KLB: variants seen among roughly 807,000 people sequenced by gnomAD.
The protein encoded by KLB is beta-klotho.
A neutral mutation model predicts 88.4 loss-of-function variants in KLB; 44 were observed. That is an observed-to-expected ratio of 0.50 (90% CI 0.39 to 0.64). KLB has a LOEUF of 0.64. Ranked by LOEUF, KLB falls within the 30% of genes least tolerant of loss-of-function variation. KLB has a pLI of 0.00. For missense variants in KLB, 1,137 were observed against 1,304.8 expected, an observed-to-expected ratio of 0.87 and a Z score of 1.98; for synonymous variants, 548 against 513.4, an observed-to-expected ratio of 1.07 and a Z score of -0.91.
chr4:39,439,938 G>A (rs562836261), intron 3 of KLB, among the ~76,000 whole-genome samples: 33 of 152,254 alleles, frequency 2.2e-4, no homozygotes, highest in Non-Finnish European at 2.2e-4. Context: ...AAAGTGCTGG[G>A]ATTACAGGCA....
chr4:39,441,209 GA>G (rs1252430216), intron 3 of KLB, among the ~76,000 whole-genome samples: 1 of 152,134 alleles, frequency 6.6e-6, no homozygotes, highest in Non-Finnish European at 1.5e-5. Context: ...ATTAAAGGGG[GA>G]AAGTTATAGA....
chr4:39,439,805 C>A (rs1187135696), intron 3 of KLB, among the ~76,000 whole-genome samples: 1 of 151,928 alleles, frequency 6.6e-6, no homozygotes, highest in Admixed American at 6.6e-5. Context: ...GTAGCTGGGA[C>A]TACAGGCGTG....
Position 39,450,981 on chromosome 4 carries a change from TTCAC to T in KLB, c.*2297_*2300del. 1 of 152,330 alleles carries T rather than the reference TTCAC, an allele frequency of 6.6e-6. No individual in the cohort carries two copies. The highest frequency in any genetic ancestry group is 2.1e-4 in the South Asian group (1 of 4,832). 9.4% of individuals were successfully genotyped at this position (152,330 alleles called of 1,614,324 possible). ...CGTACTCACAGTTCACAAATTAACC[TTCAC>T]TGTCTCTTTCACATTAAGAGCTTAT... On this transcript the variant is annotated 3_prime_UTR_variant, in exon 5 of 5. Coordinates refer to ENST00000257408, the MANE Select transcript of KLB (RefSeq NM_175737.4).
intron 1 of KLB, among the ~76,000 whole-genome samples, chr4:39,411,328 TTTGTTTTGA>T (rs770899487): frequency 0.14 from 17,659 of 126,228 alleles, 1,363 homozygotes; most frequent in East Asian, 0.26. Flanking sequence ...TTTGTTTTGT[TTTGTTTTGA>T]TTTTTTTTTT....
intron 3 of KLB, among the ~76,000 whole-genome samples, chr4:39,441,075 C>T (rs1164160828): frequency 6.6e-6 from 1 of 152,032 alleles, no homozygotes; most frequent in Non-Finnish European, 1.5e-5. Flanking sequence ...AGACTGGTCT[C>T]GAACTCTTGG....
At chr4:39,445,690 T>TTTG (rs1381496936) in intron 3 of KLB, among the ~76,000 whole-genome samples, 6 of 149,924 alleles carry the variant, frequency 4.0e-5, no homozygotes, top group African/African-American at 9.9e-5. Flanking sequence ...TTTTGTTTTT[T>TTTG]TTTTTTTTTT....
In KLB at chr4:39,446,867, A is replaced by G; in HGVS notation, c.2141A>G (p.Asn714Ser). ...AACGACACCTACGGGGCGGCGCACA[A>G]CCTGCTGGTGGCCCACGCCCTGGCC... ...SGNDTYGAAH[N>S]LLVAHALAWR... Residue 714 changes from asparagine to serine, a missense_variant, in exon 4 of 5, where the codon AAC becomes AGC. By Grantham distance (46) the Asn-to-Ser change is conservative. Coordinates refer to ENST00000257408, the MANE Select transcript of KLB (RefSeq NM_175737.4). This position sits in a 1 kb window ranked among gnomAD's most constrained non-coding sequence, Gnocchi z 6.4. 6.2e-7 allele frequency: 1 copy of G among 1,610,280 alleles called. No homozygotes were observed. Among genetic ancestry groups the G allele is most frequent in the Non-Finnish European group, 8.5e-7 (1 of 1,179,884 alleles).
intron 2 of KLB, among the ~76,000 whole-genome samples, chr4:39,437,358 C>G (rs1031412704): frequency 6.6e-6 from 1 of 152,166 alleles, no homozygotes; most frequent in African/African-American, 2.4e-5. Flanking sequence ...AGAACCAACT[C>G]AAACTTGAAA....
intron 4 of KLB, 84 bp from the exon 5 acceptor site, chr4:39,448,217 G>T: frequency 1.9e-6 from 2 of 1,049,226 alleles, no homozygotes; most frequent in Non-Finnish European, 2.7e-6. Flanking sequence ...CATAATTTTA[G>T]CTTGTTTCAA....
At chr4:39,447,545 G>A (rs1173054554) in intron 4 of KLB, 70 bp downstream of exon 4, 10 of 1,323,790 alleles carry the variant, frequency 7.6e-6, no homozygotes, top group Non-Finnish European at 1.0e-5. Context: ...CAAAGAATGG[G>A]AGCAGCAGGC....
rs902551397 is a variant in KLB at position 39,443,396 on chromosome 4, GA to G, written c.1606-2927del. ...TACTCCCCCCAAAAAAAAGAAAAAA[GA>G]AAAAAAAAGGTGATATGTGCCATAT... is the stretch of plus-strand genomic sequence containing the variant. On this transcript the variant is annotated intron_variant, in intron 3 of 4. Transcript: ENST00000257408. 1.1e-4 allele frequency among the ~76,000 whole-genome samples: 17 copies of G among 148,926 alleles called. No individual in the cohort carries two copies. In the East Asian group the frequency reaches 1.8e-3, roughly 15 times the overall value.
Position 39,446,617 on chromosome 4 carries a change from C to A in KLB, c.1891C>A (p.Leu631Met). Reference protein sequence around the residue: ...RYYRCVVSEGLKLGISAMVTL... With the variant: ...RYYRCVVSEGMKLGISAMVTL... ...CTACAGGTGCGTGGTCAGTGAGGGG[C>A]TGAAGCTTGGCATCTCCGCGATGGT... The change falls in exon 4 of 5, where the codon CTG becomes ATG. Residue 631 changes from leucine to methionine, a missense_variant. Transcript: ENST00000257408. This position sits in a 1 kb window ranked among gnomAD's most constrained non-coding sequence, Gnocchi z 6.4. 4 of 1,613,980 alleles carry A rather than the reference C, an allele frequency of 2.5e-6. No individual in the cohort carries two copies. The highest frequency in any genetic ancestry group is 3.4e-6 in the Non-Finnish European group (4 of 1,179,856).
At chr4:39,418,321 A>C (rs1460466761) in intron 1 of KLB, among the ~76,000 whole-genome samples, 1 of 151,788 alleles carries the variant, frequency 6.6e-6, no homozygotes, top group Non-Finnish European at 1.5e-5. Context: ...GCTCACTGCA[A>C]CCTCCACCTC....
chr4:39,443,045 G>A (rs748146229), intron 3 of KLB, among the ~76,000 whole-genome samples: 1 of 152,076 alleles, frequency 6.6e-6, no homozygotes, highest in South Asian at 2.1e-4. Context: ...AAGAGTCCAG[G>A]CCAACTGCTT....
intron 1 of KLB, among the ~76,000 whole-genome samples, chr4:39,418,566 A>G (rs1342703615): frequency 6.6e-6 from 1 of 151,870 alleles, no homozygotes; most frequent in Non-Finnish European, 1.5e-5. Context: ...ACAGTTCTTC[A>G]TTTGATTAGC....
At chr4:39,431,498 G>T (rs1047671724) in intron 1 of KLB, among the ~76,000 whole-genome samples, 1 of 151,812 alleles carries the variant, frequency 6.6e-6, no homozygotes, top group African/African-American at 2.4e-5. Flanking sequence ...TGATCCGCCC[G>T]CCTCGGCCTC....
chr4:39,441,838 G>A (rs1224020960), intron 3 of KLB: 13 of 151,630 alleles, frequency 8.6e-5, no homozygotes, highest in East Asian at 1.9e-4. Flanking sequence ...GAAAAATTAC[G>A]GTGCTTTTTG....
At position 39,447,250 on chromosome 4, in the gene KLB, G is replaced by A. The variant is rs746133003; in HGVS notation, c.2524G>A (p.Asp842Asn). The change falls in exon 4 of 5, where the codon GAC becomes AAC. Residue 842 changes from aspartate (D) to asparagine (N), a missense_variant. This residue lies in a region of KLB where 426 missense variants were observed against 404.6 expected (regional missense o/e 1.05). Coordinates refer to ENST00000257408, the MANE Select transcript of KLB (RefSeq NM_175737.4). Reference protein sequence around the residue: ...MHEQLAGSRYDSDRDIQFLQD... With the variant: ...MHEQLAGSRYNSDRDIQFLQD... ...CGAGCAGCTGGCCGGCAGCCGCTAC[G>A]ACTCGGACAGGGACATCCAGTTTCT... is the stretch of plus-strand genomic sequence containing the variant. 1.2e-6 allele frequency: 2 copies of A among 1,614,098 alleles called. No individual in the cohort carries two copies. Among genetic ancestry groups the A allele is most frequent in the South Asian group, 2.2e-5 (2 of 91,084 alleles).
In KLB at chr4:39,434,669, G is replaced by A; in HGVS notation, c.1285G>A (p.Asp429Asn). 6.2e-7 allele frequency: 1 copy of A among 1,614,090 alleles called. No individual in the cohort carries two copies. Among genetic ancestry groups the A allele is most frequent in the South Asian group, 1.1e-5 (1 of 91,080 alleles). Reference sequence around the variant, plus strand: ...CACAGACAGTCGTGTGAAAACAGAAGACACCACGGCCATCTACATGATGAA... The same window carrying A: ...CACAGACAGTCGTGTGAAAACAGAAAACACCACGGCCATCTACATGATGAA... ...WFTDSRVKTE[D>N]TTAIYMMKNF... is the part of the protein sequence containing the mutation. The change falls in exon 2 of 5, where the codon GAC becomes AAC. Residue 429 changes from aspartate to asparagine, a missense_variant. Asp to Asn is a conservative substitution (Grantham distance 23). Around this residue, in one of 4 missense-constraint regions of KLB, gnomAD observed 597 missense variants for 765.2 expected, o/e 0.78. Coordinates refer to ENST00000257408, the MANE Select transcript of KLB (RefSeq NM_175737.4).
Sources: gnomAD v4.1 joint callset for allele counts (sites outside exome capture counted in the v4.1 genomes callset) on GRCh38, gnomAD v4.1.1 for gene constraint, gnomAD v4.1.1 regional missense constraint, Gnocchi (gnomAD v3.1) non-coding constraint, MANE v1.5 for transcripts, NCBI Gene and HGNC (gene_info 2026-07-23, HGNC 2026-07-21) for gene names.